SLC16A7: variants seen among roughly 807,000 people sequenced by gnomAD.
SLC16A7 encodes monocarboxylate transporter 2.
SLC16A7 carries 33 observed loss-of-function variants against 34.9 expected under a neutral mutation model. The ratio of observed to expected loss-of-function variants is 0.94; its 90% CI spans 0.72 to 1.26. The LOEUF (loss-of-function observed/expected upper bound fraction) is 1.26. SLC16A7 is among the 50% of genes most tolerant of loss of function. The pLI, the probability that SLC16A7 is intolerant of heterozygous loss-of-function variation, is 0.00. For missense variants in SLC16A7, 573 were observed against 578.1 expected, an observed-to-expected ratio of 0.99 and a Z score of 0.09; for synonymous variants, 201 against 206.6, an observed-to-expected ratio of 0.97 and a Z score of 0.23.
intron 2 of SLC16A7, among the ~76,000 whole-genome samples, chr12:59,690,847 A>G (rs1592504383): frequency 1.3e-5 from 2 of 152,124 alleles, no homozygotes; most frequent in East Asian, 1.9e-4. Flanking sequence ...GGTCTTCTGT[A>G]AACACTAGAT....
intron 3 of SLC16A7, among the ~76,000 whole-genome samples, chr12:59,749,881 G>C (rs1879315197): frequency 6.6e-6 from 1 of 152,164 alleles, no homozygotes; most frequent in African/African-American, 2.4e-5. Context: ...GTAATTAGTA[G>C]AAGCTGACTT....
At chr12:59,695,520 T>C (rs1872184865) in intron 2 of SLC16A7, among the ~76,000 whole-genome samples, 1 of 152,006 alleles carries the variant, frequency 6.6e-6, no homozygotes, top group Admixed American at 6.6e-5. Context: ...ATTTCTCATA[T>C]CCCTGACTTT....
intron 2 of SLC16A7, chr12:59,696,372 A>G (rs1872293119): frequency 6.6e-6 from 1 of 151,966 alleles, no homozygotes; most frequent in South Asian, 2.1e-4. Flanking sequence ...GCATGTAACA[A>G]TTTGTTTTCT....
intron 3 of SLC16A7, among the ~76,000 whole-genome samples, chr12:59,732,961 C>T (rs1377396215): frequency 1.3e-5 from 2 of 152,096 alleles, no homozygotes; most frequent in Non-Finnish European, 2.9e-5. Context: ...TAAAAAAAAT[C>T]CCTGAAGTTG....
chr12:59,760,056 T>C (rs1007152989), intron 3 of SLC16A7, among the ~76,000 whole-genome samples: 2 of 152,060 alleles, frequency 1.3e-5, no homozygotes, highest in African/African-American at 4.8e-5. Context: ...TCATAGATCT[T>C]AGTGTCTGAG....
chr12:59,664,622 T>G (rs1869044380), intron 2 of SLC16A7: 1 of 152,188 alleles, frequency 6.6e-6, no homozygotes, highest in South Asian at 2.1e-4. Context: ...TGTGGCTACA[T>G]CAACACAACA....
In SLC16A7 at chr12:59,671,529, A is replaced by T. The variant is rs1195959128; in HGVS notation, c.-31+16279A>T. ...CACAATTTTCCCAAGCAGTTTTTGA[A>T]GCATAAATGCATTCTCACTTCCTGT... On this transcript the variant is annotated intron_variant, in intron 2 of 5. Transcript: ENST00000547379. 3.9e-5 allele frequency among the ~76,000 whole-genome samples: 6 copies of T among 151,934 alleles called. No individual in the cohort carries two copies. The East Asian group carries it at 7.7e-4, about 20-fold the overall frequency.
chr12:59,606,608 C>T (rs1878951816), intron 1 of SLC16A7, among the ~76,000 whole-genome samples: 1 of 152,138 alleles, frequency 6.6e-6, no homozygotes, highest in South Asian at 2.1e-4. Flanking sequence ...GCCATTATAG[C>T]ACCCCAAGAG....
intron 3 of SLC16A7, among the ~76,000 whole-genome samples, chr12:59,715,665 T>C (rs1874817039): frequency 6.6e-6 from 1 of 152,220 alleles, no homozygotes; most frequent in East Asian, 1.9e-4. Context: ...TTCACCACTC[T>C]GCACATAGCC....
chr12:59,748,899 T>A (rs1341055891), intron 3 of SLC16A7, among the ~76,000 whole-genome samples: 1 of 152,050 alleles, frequency 6.6e-6, no homozygotes, highest in Non-Finnish European at 1.5e-5. Flanking sequence ...AAATCCAGAG[T>A]ATTTAATACC....
Position 59,653,534 on chromosome 12 carries a change from A to T in SLC16A7, c.-129-1618A>T, listed in dbSNP as rs141424188. Among the ~76,000 whole-genome samples the T allele has an allele frequency of 1.1e-3, 173 of 151,676 alleles. 1 individual carries two copies. Among genetic ancestry groups the T allele is most frequent in the African/African-American group, 3.9e-3 (162 of 41,506 alleles). On this transcript the variant is annotated intron_variant, in intron 1 of 5. Transcript: ENST00000547379. ...ATATTTTAAAAATATTTAGTATATA[A>T]ATTTTAGTTATTGTGGTATAATAAT...
At chr12:59,720,671 T>C (rs1875470601) in intron 3 of SLC16A7, among the ~76,000 whole-genome samples, 1 of 152,106 alleles carries the variant, frequency 6.6e-6, no homozygotes, top group South Asian at 2.1e-4. Flanking sequence ...CCAACTCCCA[T>C]GTTCACACCC....
intron 3 of SLC16A7, among the ~76,000 whole-genome samples, chr12:59,722,566 T>C (rs973092002): frequency 6.6e-6 from 1 of 151,902 alleles, no homozygotes; most frequent in Non-Finnish European, 1.5e-5. Context: ...AGCTATACTA[T>C]CTACCTACTC....
At chr12:59,776,292 A>G (rs1882750767) in intron 5 of SLC16A7, among the ~76,000 whole-genome samples, 1 of 152,214 alleles carries the variant, frequency 6.6e-6, no homozygotes, top group South Asian at 2.1e-4. Context: ...TGGTTATTTT[A>G]TAGTTTCCTT....
intron 1 of SLC16A7, among the ~76,000 whole-genome samples, chr12:59,651,492 A>G (rs1185314795): frequency 3.3e-5 from 5 of 152,180 alleles, no homozygotes; most frequent in Non-Finnish European, 5.9e-5. Context: ...GTAGCTGTAA[A>G]TAGTGTTTAC....
intron 1 of SLC16A7, among the ~76,000 whole-genome samples, chr12:59,622,288 C>T (rs1307325566): frequency 2.0e-5 from 3 of 151,692 alleles, no homozygotes; most frequent in South Asian, 2.1e-4. Context: ...TGTTGTTCCC[C>T]GAGTACTCTT....
intron 1 of SLC16A7, among the ~76,000 whole-genome samples, chr12:59,602,223 T>A (rs1218955059): frequency 6.6e-6 from 1 of 152,202 alleles, no homozygotes. Flanking sequence ...AACAATGAGT[T>A]CTTTATTAGT....
chr12:59,707,131 T>G (rs991282863), intron 3 of SLC16A7, among the ~76,000 whole-genome samples: 1 of 152,122 alleles, frequency 6.6e-6, no homozygotes, highest in African/African-American at 2.4e-5. Context: ...ATGGACTATT[T>G]TAGGGGGTAT....
chr12:59,764,958 A>G (rs1054723950), intron 3 of SLC16A7, among the ~76,000 whole-genome samples: 15 of 152,144 alleles, frequency 9.9e-5, no homozygotes, highest in African/African-American at 3.4e-4. Context: ...AACAGTGTGA[A>G]AGTGTTTCTG....
Sources: gnomAD v4.1 joint callset for allele counts (sites outside exome capture counted in the v4.1 genomes callset) on GRCh38, gnomAD v4.1.1 for gene constraint, MANE v1.5 for transcripts, NCBI Gene and HGNC (gene_info 2026-07-23, HGNC 2026-07-21) for gene names.